Variants in RSBN1L observed in about 807,000 individuals in gnomAD.
RSBN1L encodes lysine-specific demethylase RSBN1L.
A neutral mutation model predicts 67.7 loss-of-function variants in RSBN1L; 30 were observed. That is an observed-to-expected ratio of 0.44 (90% CI 0.33 to 0.60). The LOEUF is 0.60. RSBN1L is among the 20% of genes least tolerant of loss of function. The probability of loss-of-function intolerance (pLI) is 0.02; values close to 1 mark genes in which losing one functional copy is unlikely to be tolerated. For synonymous variants in RSBN1L, 433 were observed against 387.0 expected, an observed-to-expected ratio of 1.12 and a Z score of -1.39; for missense variants, 992 against 1,031.7, an observed-to-expected ratio of 0.96 and a Z score of 0.53.
Position 77,736,410 on chromosome 7 carries a change from A to G in RSBN1L, c.587A>G (p.Asp196Gly), listed in dbSNP as rs1354702426. The change falls in exon 2 of 8, where the codon GAT becomes GGT. Residue 196 changes from aspartate to glycine, a missense_variant and splice_region_variant. Physicochemically the swap from Asp to Gly is moderately conservative, Grantham distance 94. This residue lies in a region of RSBN1L where 575 missense variants were observed against 483.2 expected (regional missense o/e 1.19). Transcript: ENST00000334955. Reference sequence around the variant, plus strand: ...ATATTTCCTTTGTTTTGTCTTCCAGATAAAATCAAAGACAAAATTAAAGAG... The same window carrying G: ...ATATTTCCTTTGTTTTGTCTTCCAGGTAAAATCAAAGACAAAATTAAAGAG... ...ENGEVKPLPR[D>G]KIKDKIKERD... The G allele has an allele frequency of 7.8e-6, 8 of 1,022,924 alleles. No homozygotes were observed. In the East Asian group the frequency reaches 2.5e-4, roughly 32 times the overall value. 63.4% of individuals were successfully genotyped at this position (1,022,924 alleles called of 1,614,324 possible). A position where few individuals can be genotyped will look rare whatever the true frequency, so the allele number is the denominator to read the frequency against.
At chr7:77,722,912 A>G (rs371731421) in intron 1 of RSBN1L, among the ~76,000 whole-genome samples, 1 of 151,774 alleles carries the variant, frequency 6.6e-6, no homozygotes, top group East Asian at 1.9e-4. Context: ...TTGTGCAGCA[A>G]CAATATATTG....
At chr7:77,707,758 A>G (rs1465243704) in intron 1 of RSBN1L, among the ~76,000 whole-genome samples, 1 of 152,202 alleles carries the variant, frequency 6.6e-6, no homozygotes, top group Non-Finnish European at 1.5e-5. Flanking sequence ...TGGCATCTAT[A>G]TCAAGCACTT....
intron 1 of RSBN1L, among the ~76,000 whole-genome samples, chr7:77,726,612 A>C (rs1459563413): frequency 2.0e-5 from 3 of 151,712 alleles, no homozygotes; most frequent in Non-Finnish European, 2.9e-5. Context: ...TATCCCATCT[A>C]CTTTTTTTTG....
chr7:77,712,739 T>C (rs1467816706), intron 1 of RSBN1L, among the ~76,000 whole-genome samples: 1 of 152,246 alleles, frequency 6.6e-6, no homozygotes, highest in Admixed American at 6.5e-5. Flanking sequence ...ATTATATGTA[T>C]AAACCATAAT....
chr7:77,726,582 G>A lies in RSBN1L; in HGVS notation c.587-9828G>A, dbSNP rs148807853. On this transcript the variant is annotated intron_variant, in intron 1 of 7. Coordinates refer to ENST00000334955, the MANE Select transcript of RSBN1L (RefSeq NM_198467.3). ...GTCCCTAGCTTTCCCTACTGATTTCGTGTTCCTCAGCTCGTTTAGTATCCC... is the reference window on the plus strand; with the variant it reads ...GTCCCTAGCTTTCCCTACTGATTTCATGTTCCTCAGCTCGTTTAGTATCCC... Among the ~76,000 whole-genome samples the A allele has an allele frequency of 8.8e-3, 1,336 of 152,022 alleles. 7 individuals carry two copies. The highest frequency in any genetic ancestry group is 0.014 in the Non-Finnish European group (941 of 67,978).
rs1164149462 is a variant in RSBN1L at position 77,737,127 on chromosome 7, A to G, written c.703+601A>G. ...GGTGGTTGGGTAATAAGTATACTGC[A>G]AATCCTGTCAATAAGTCTGAACTTG... On this transcript the variant is annotated intron_variant, in intron 2 of 7. Transcript: ENST00000334955. Among the ~76,000 whole-genome samples, 5 of 152,188 alleles carry G rather than the reference A, an allele frequency of 3.3e-5. No homozygotes were observed. In the East Asian group the frequency reaches 7.7e-4, roughly 23 times the overall value.
rs1390806544 is a variant in RSBN1L, at chr7:77,696,648, G to A, written c.179G>A (p.Gly60Glu). 1 of 1,613,742 alleles carries A rather than the reference G, an allele frequency of 6.2e-7. No individual in the cohort carries two copies. Reference protein sequence around the residue: ...KKAPRRVNGEGGSGGNSRQLQ... With the variant: ...KKAPRRVNGEEGSGGNSRQLQ... ...GCACCGCGGAGAGTGAACGGAGAAG[G>A]GGGCAGCGGCGGGAACAGCAGGCAG... The change falls in exon 1 of 8, where the codon GGG becomes GAG. Residue 60 changes from glycine (G) to glutamate (E), a missense_variant. Transcript: ENST00000334955.
intron 1 of RSBN1L, among the ~76,000 whole-genome samples, chr7:77,714,157 A>G (rs1362470958): frequency 1.3e-5 from 2 of 152,208 alleles, no homozygotes; most frequent in African/African-American, 4.8e-5. Flanking sequence ...TTTAGGATAG[A>G]TTTGATATCT....
intron 2 of RSBN1L, among the ~76,000 whole-genome samples, chr7:77,738,688 C>G (rs1437740121): frequency 6.6e-6 from 1 of 152,166 alleles, no homozygotes; most frequent in Non-Finnish European, 1.5e-5. Flanking sequence ...TGGCTGAAGC[C>G]TGTAATCCCA....
intron 2 of RSBN1L, among the ~76,000 whole-genome samples, chr7:77,747,704 C>G (rs975325699): frequency 6.6e-6 from 1 of 152,244 alleles, no homozygotes; most frequent in Non-Finnish European, 1.5e-5. Flanking sequence ...CATGGAGAAC[C>G]TCTCTACTAG....
At chr7:77,776,298 C>G (rs1467476746) in intron 6 of RSBN1L, among the ~76,000 whole-genome samples, 1 of 152,080 alleles carries the variant, frequency 6.6e-6, no homozygotes, top group Non-Finnish European at 1.5e-5. Context: ...TACAGTTCAC[C>G]CATTTAAAGT....
intron 1 of RSBN1L, among the ~76,000 whole-genome samples, chr7:77,724,216 A>C (rs79518233): frequency 0.02 from 3,011 of 152,016 alleles, 84 homozygotes; most frequent in African/African-American, 0.068. Flanking sequence ...AACTTTTTTT[A>C]ATGTGTTTAT....
rs897656749 is a variant in RSBN1L, at chr7:77,767,274, G to A, written c.1483-1387G>A. 3.5e-5 allele frequency among the ~76,000 whole-genome samples: 4 copies of A among 113,282 alleles called. No individual in the cohort carries two copies. The East Asian group carries it at 7.8e-4, about 22-fold the overall frequency. 74.3% of individuals were successfully genotyped at this position (113,282 alleles called of 152,430 possible). On this transcript the variant is annotated intron_variant, in intron 4 of 7. Coordinates refer to ENST00000334955, the MANE Select transcript of RSBN1L (RefSeq NM_198467.3). ...GAAATTTGACAAGCCTTTTTGAAAA[G>A]GGGGTGTGTGGTGAAATTTTTTTTT... is the stretch of plus-strand genomic sequence containing the variant.
rs775662703 is a variant in RSBN1L, at chr7:77,781,193, A to G, written c.*2025A>G. The G allele has an allele frequency of 6.6e-6, 1 of 152,216 alleles. No individual in the cohort carries two copies. The highest frequency in any genetic ancestry group is 1.5e-5 in the Non-Finnish European group (1 of 68,036). 9.4% of individuals were successfully genotyped at this position (152,216 alleles called of 1,614,324 possible). A position where few individuals can be genotyped will look rare whatever the true frequency, so the allele number is the denominator to read the frequency against. On this transcript the variant is annotated 3_prime_UTR_variant, in exon 8 of 8. Coordinates refer to ENST00000334955, the MANE Select transcript of RSBN1L (RefSeq NM_198467.3). ...AAAGGATAGGCAAATATCATAGGAAATCTTCATGGTTTGTAGGAAATCAGT... is the reference window on the plus strand; with the variant it reads ...AAAGGATAGGCAAATATCATAGGAAGTCTTCATGGTTTGTAGGAAATCAGT...
At chr7:77,705,414 G>A (rs1306364317) in intron 1 of RSBN1L, among the ~76,000 whole-genome samples, 1 of 151,894 alleles carries the variant, frequency 6.6e-6, no homozygotes, top group Non-Finnish European at 1.5e-5. Flanking sequence ...ATTACGTTTG[G>A]ATCAGGAGGC....
intron 1 of RSBN1L, among the ~76,000 whole-genome samples, chr7:77,734,176 C>T (rs1002222725): frequency 6.6e-6 from 1 of 152,114 alleles, no homozygotes; most frequent in African/African-American, 2.4e-5. Flanking sequence ...GATTACAAGT[C>T]AGCATCCTGA....
chr7:77,749,879 C>T lies in RSBN1L; in HGVS notation c.1159C>T (p.Leu387=). ...GAGGTTTGCAGAAGAGTTTGTGGGT[C>T]TAGTGTTCAGTGAAAATGAAAACTC... ...MERFAEEFVG[L]VFSENENSAA... Residue 387 remains leucine, a synonymous_variant, in exon 3 of 8, where the codon CTA becomes TTA. Transcript: ENST00000334955. 1 of 1,614,140 alleles carries T rather than the reference C, an allele frequency of 6.2e-7. No homozygotes were observed. Among genetic ancestry groups the T allele is most frequent in the Non-Finnish European group, 8.5e-7 (1 of 1,180,006 alleles).
chr7:77,701,291 G>GTTGACATT, intron 1 of RSBN1L, among the ~76,000 whole-genome samples: 1 of 151,302 alleles, frequency 6.6e-6, no homozygotes, highest in Non-Finnish European at 1.5e-5. Context: ...ACTTTCCTTA[G>GTTGACATT]TTGACATTCT....
intron 2 of RSBN1L, among the ~76,000 whole-genome samples, chr7:77,737,103 G>A (rs1044372581): frequency 3.9e-5 from 6 of 151,986 alleles, no homozygotes; most frequent in African/African-American, 1.2e-4. Flanking sequence ...TGGGGGGTAG[G>A]TGGTTGGGTA....
Sources: allele counts gnomAD v4.1 joint callset (sites outside exome capture counted in the v4.1 genomes callset), GRCh38; gene constraint gnomAD v4.1.1; regional missense constraint gnomAD v4.1.1; transcripts MANE v1.5; gene names NCBI Gene and HGNC (gene_info 2026-07-23, HGNC 2026-07-21).